CNTNAP2: variants seen among roughly 807,000 people sequenced by gnomAD.
CNTNAP2 encodes contactin associated protein 2.
CNTNAP2 carries 98 observed loss-of-function variants against 155.2 expected under a neutral mutation model. The ratio of observed to expected loss-of-function variants is 0.63; its 90% confidence interval spans 0.54 to 0.75. The LOEUF is 0.75. CNTNAP2 is among the 30% of genes least tolerant of loss of function. The probability of loss-of-function intolerance (pLI) is 0.00; values close to 1 mark genes in which losing one functional copy is unlikely to be tolerated. For synonymous variants in CNTNAP2, 651 were observed against 631.2 expected (o/e 1.03, Z -0.47); for missense variants, 1,727 against 1,688.1 (o/e 1.02, Z -0.40).
chr7:147,938,841 T>C (rs1468943747), intron 14 of CNTNAP2, among the ~76,000 whole-genome samples: 1 of 152,122 alleles, frequency 6.6e-6, no homozygotes, highest in Non-Finnish European at 1.5e-5. Context: ...ATGAGAGTGT[T>C]GACTCTCAGG....
chr7:146,203,707 T>G (rs1308931142), intron 1 of CNTNAP2, among the ~76,000 whole-genome samples: 1 of 152,090 alleles, frequency 6.6e-6, no homozygotes, highest in Admixed American at 6.5e-5. Context: ...TAATCCTGCC[T>G]TGGTTTTTCT....
intron 3 of CNTNAP2, among the ~76,000 whole-genome samples, chr7:146,923,104 A>T (rs1012882412): frequency 2.0e-5 from 3 of 152,160 alleles, no homozygotes; most frequent in Non-Finnish European, 2.9e-5. Context: ...GATCTGGGGC[A>T]AGTTGCTTAA....
intron 14 of CNTNAP2, among the ~76,000 whole-genome samples, chr7:147,917,049 A>C (rs1302852429): frequency 1.3e-5 from 2 of 152,148 alleles, no homozygotes; most frequent in African/African-American, 4.8e-5. Flanking sequence ...CCTTTCTCCT[A>C]GTTCTAAATC....
chr7:147,059,125 C>T (rs1339502281), intron 4 of CNTNAP2, among the ~76,000 whole-genome samples: 2 of 152,190 alleles, frequency 1.3e-5, no homozygotes, highest in Non-Finnish European at 2.9e-5. Context: ...TTGAATGATA[C>T]ATGTGAATGC....
chr7:147,602,118 T>A (rs886629007), intron 12 of CNTNAP2, among the ~76,000 whole-genome samples: 3 of 152,026 alleles, frequency 2.0e-5, no homozygotes, highest in Non-Finnish European at 4.4e-5. Context: ...TGGATGACCA[T>A]TAGTGTAATT....
chr7:147,502,716 AATGTGTGT>A (rs1798838012), intron 11 of CNTNAP2, among the ~76,000 whole-genome samples: 2 of 114,730 alleles, frequency 1.7e-5, no homozygotes, highest in Non-Finnish European at 3.7e-5. Flanking sequence ...ATCATTTCAC[AATGTGTGT>A]GTGTGTGTGT....
chr7:147,817,564 A>G (rs1798286595), intron 13 of CNTNAP2, among the ~76,000 whole-genome samples: 1 of 151,690 alleles, frequency 6.6e-6, no homozygotes, highest in Non-Finnish European at 1.5e-5. Context: ...TATTCACGTA[A>G]TTAAATGCCA....
chr7:146,375,912 A>G (rs1400573940), intron 1 of CNTNAP2, among the ~76,000 whole-genome samples: 2 of 152,210 alleles, frequency 1.3e-5, no homozygotes, highest in African/African-American at 2.4e-5. Flanking sequence ...AAAATCTCCC[A>G]TAGGTTAAAC....
At chr7:146,897,358 T>A (rs980542981) in intron 3 of CNTNAP2, among the ~76,000 whole-genome samples, 4 of 152,120 alleles carry the variant, frequency 2.6e-5, no homozygotes, top group African/African-American at 9.7e-5. Context: ...CATATTCTGG[T>A]GCTTTAGGAA....
intron 12 of CNTNAP2, among the ~76,000 whole-genome samples, chr7:147,595,563 T>G (rs1455290999): frequency 6.6e-6 from 1 of 152,248 alleles, no homozygotes; most frequent in Non-Finnish European, 1.5e-5. Context: ...TGAAATAATG[T>G]ATTCGATGGA....
chr7:146,513,459 G>A (rs904463011), intron 1 of CNTNAP2, among the ~76,000 whole-genome samples: 1 of 151,580 alleles, frequency 6.6e-6, no homozygotes, highest in African/African-American at 2.4e-5. Flanking sequence ...TATTTTGTGT[G>A]TCTCTTATAC....
intron 1 of CNTNAP2, among the ~76,000 whole-genome samples, chr7:146,151,230 T>A (rs1025493646): frequency 6.6e-6 from 1 of 152,078 alleles, no homozygotes; most frequent in Admixed American, 6.6e-5. Flanking sequence ...ACACTAAGCC[T>A]AACCATATCA....
chr7:147,154,747 T>C (rs923061406), intron 8 of CNTNAP2, among the ~76,000 whole-genome samples: 4 of 152,108 alleles, frequency 2.6e-5, no homozygotes, highest in Non-Finnish European at 5.9e-5. Context: ...CTTCTAAAAC[T>C]ATCCTTGTCT....
intron 3 of CNTNAP2, among the ~76,000 whole-genome samples, chr7:146,854,815 G>A (rs1198189328): frequency 6.6e-6 from 1 of 152,136 alleles, no homozygotes; most frequent in African/African-American, 2.4e-5. Flanking sequence ...CACAGGGAAT[G>A]ACAGGTAAAC....
intron 1 of CNTNAP2, among the ~76,000 whole-genome samples, chr7:146,553,700 A>G (rs1798154329): frequency 6.6e-6 from 1 of 152,162 alleles, no homozygotes; most frequent in Non-Finnish European, 1.5e-5. Context: ...TACTATGCAA[A>G]TATATTTTTA....
At chr7:147,040,199 T>C (rs1563054156) in intron 3 of CNTNAP2, among the ~76,000 whole-genome samples, 1 of 152,144 alleles carries the variant, frequency 6.6e-6, no homozygotes. Flanking sequence ...AAGCTCACTA[T>C]GTAGTTTAAT....
chr7:147,538,048 T>C (rs1799578502), intron 11 of CNTNAP2, among the ~76,000 whole-genome samples: 2 of 152,222 alleles, frequency 1.3e-5, no homozygotes, highest in African/African-American at 4.8e-5. Context: ...GACTGTTTGA[T>C]TCTAACCTTC....
intron 15 of CNTNAP2, among the ~76,000 whole-genome samples, chr7:148,065,722 A>G (rs1233509915): frequency 2.0e-5 from 3 of 152,100 alleles, no homozygotes; most frequent in Non-Finnish European, 4.4e-5. Flanking sequence ...TACTTGGTTG[A>G]ATTCTTATCC....
intron 13 of CNTNAP2, among the ~76,000 whole-genome samples, chr7:147,731,750 TG>T (rs367662225): frequency 0.013 from 2,029 of 152,210 alleles, 25 homozygotes; most frequent in Middle Eastern, 0.024. Flanking sequence ...TTGAAACTAC[TG>T]GAAAGGACCC....
Sources: gnomAD v4.1 joint callset for allele counts (sites outside exome capture counted in the v4.1 genomes callset) on GRCh38, gnomAD v4.1.1 for gene constraint, MANE v1.5 for transcripts, NCBI Gene and HGNC (gene_info 2026-07-23, HGNC 2026-07-21) for gene names.